Variants in PCK1 observed in about 807,000 individuals in gnomAD.
PCK1 encodes the protein phosphoenolpyruvate carboxykinase 1.
PCK1 carries 44 observed loss-of-function variants against 50.3 expected under a neutral mutation model. The ratio of observed to expected loss-of-function variants is 0.87; its 90% CI spans 0.69 to 1.12. The LOEUF is 1.12. Ranked by LOEUF, PCK1 falls within the 50% of genes most tolerant of loss-of-function variation. The pLI is 0.00. For missense variants in PCK1, 790 were observed against 815.0 expected (o/e 0.97, Z 0.37); for synonymous variants, 332 against 314.3 (o/e 1.06, Z -0.59).
In PCK1 at chr20:57,561,195, A is replaced by G; in HGVS notation, c.-49A>G. The stretch of plus-strand genomic sequence containing the variant: ...GATCTCCCTTCGAGATCATCCAAAG[A>G]GAAGAAAGGTAAGTAGAGCTTTGCA... On this transcript the variant is annotated 5_prime_UTR_variant, in exon 1 of 10. Coordinates refer to ENST00000319441, the MANE Select transcript of PCK1 (RefSeq NM_002591.4). 1 of 461,334 alleles carries G rather than the reference A, an allele frequency of 2.2e-6. No homozygotes were observed. The highest frequency in any genetic ancestry group is 3.9e-6 in the Non-Finnish European group (1 of 256,670). The allele number at this position is 461,334 out of a possible 1,614,324, so 28.6% of individuals were successfully genotyped here. A position where few individuals can be genotyped will look rare whatever the true frequency, so the allele number is the denominator to read the frequency against.
rs751209844 is a variant in PCK1, at chr20:57,562,889, G to C, written c.600G>C (p.Leu200=). 1 of 1,609,554 alleles carries C rather than the reference G, an allele frequency of 6.2e-7. No individual in the cohort carries two copies. Among genetic ancestry groups the C allele is most frequent in the Admixed American group, 1.7e-5 (1 of 59,998 alleles). The change falls in exon 4 of 10, where the codon CTG becomes CTC. Residue 200 remains leucine (L), a synonymous_variant. Transcript: ENST00000319441. ...VKCLHSVGCP[L]PLQKPLVNNW... ...GCCTCCATTCTGTGGGGTGCCCTCT[G>C]CCTTTACAAAGTAAGTGTATTATTT...
At position 57,565,800 on chromosome 20, in the gene PCK1, TG is replaced by T; in HGVS notation, c.1866del (p.Met622IlefsTer32). 1 of 1,604,128 alleles carries T rather than the reference TG, an allele frequency of 6.2e-7. No homozygotes were observed. Among genetic ancestry groups the T allele is most frequent in the Non-Finnish European group, 8.5e-7 (1 of 1,174,746 alleles). On this transcript the variant is annotated frameshift_variant, in exon 10 of 10. Coordinates refer to ENST00000319441, the MANE Select transcript of PCK1 (RefSeq NM_002591.4). LOFTEE classifies it high-confidence loss of function. ...ILALKQRISQ[M>X] ...GCCTTGAAGCAAAGAATAAGCCAGA[TG>T]TAATCAGGGCCTGAGTGCTTTACCT...
chr20:57,564,119 T>C (rs757897062), intron 6 of PCK1, 50 bp from the exon 7 acceptor site: 1 of 1,213,658 alleles, frequency 8.2e-7, no homozygotes, highest in African/African-American at 1.5e-5. Context: ...GAGTATATGT[T>C]CTGCTTTGCC....
chr20:57,566,733 G>A lies in PCK1; in HGVS notation c.*929G>A, dbSNP rs2070208328. 1 of 152,242 alleles carries A rather than the reference G, an allele frequency of 6.6e-6. No homozygotes were observed. Among genetic ancestry groups the A allele is most frequent in the African/African-American group, 2.4e-5 (1 of 41,456 alleles). 9.4% of individuals were successfully genotyped at this position (152,242 alleles called of 1,614,324 possible). ...CAAACCTTTAGATGGTGAGGCTTAT[G>A]TGGCAGGACTGGGAGGGTTTAATGC... On this transcript the variant is annotated 3_prime_UTR_variant, in exon 10 of 10. Coordinates refer to ENST00000319441, the MANE Select transcript of PCK1 (RefSeq NM_002591.4).
In PCK1 at chr20:57,561,215, T is replaced by A; in HGVS notation, c.-41+12T>A. On this transcript the variant is annotated intron_variant, in intron 1 of 9. Coordinates refer to ENST00000319441, the MANE Select transcript of PCK1 (RefSeq NM_002591.4). The stretch of plus-strand genomic sequence containing the variant: ...CAAAGAGAAGAAAGGTAAGTAGAGC[T>A]TTGCATTTACATTTTGAAAAATTAC... 1.9e-6 allele frequency: 1 copy of A among 527,964 alleles called. No individual in the cohort carries two copies. The highest frequency in any genetic ancestry group is 4.5e-4 in the Middle Eastern group (1 of 2,226). 32.7% of individuals were successfully genotyped at this position (527,964 alleles called of 1,614,324 possible).
At chr20:57,562,451 C>G (rs2070155648) in intron 3 of PCK1, 199 bp downstream of exon 3, 1 of 631,408 alleles carries the variant, frequency 1.6e-6, no homozygotes, top group East Asian at 2.7e-5. Flanking sequence ...AACGTGAAAA[C>G]TAGTTCCATG....
chr20:57,563,895 T>G, intron 6 of PCK1, 168 bp downstream of exon 6: 1 of 642,066 alleles, frequency 1.6e-6, no homozygotes, highest in Non-Finnish European at 2.7e-6. Context: ...TTCAACTTAA[T>G]ATTCAATCTG....
chr20:57,564,179 G>T lies in PCK1; in HGVS notation c.972G>T (p.Arg324Ser). 1 of 1,612,444 alleles carries T rather than the reference G, an allele frequency of 6.2e-7. No homozygotes were observed. Among genetic ancestry groups the T allele is most frequent in the East Asian group, 2.2e-5 (1 of 44,876 alleles). ...TTTAAAACTCTCCAGGTCATTTAAG[G>T]GCCATCAACCCAGAAAATGGCTTTT... ...WMKFDAQGHL[R>S]AINPENGFFG... is the part of the protein sequence containing the mutation. The change falls in exon 7 of 10, where the codon AGG (arginine) becomes AGT (serine). Residue 324 changes from arginine (R) to serine (S), a missense_variant. Coordinates refer to ENST00000319441, the MANE Select transcript of PCK1 (RefSeq NM_002591.4).
chr20:57,564,067 G>A (rs1463773593), intron 6 of PCK1, 102 bp from the exon 7 acceptor site: 1 of 755,058 alleles, frequency 1.3e-6, no homozygotes, highest in African/African-American at 1.8e-5. Flanking sequence ...AGGGAAAAAA[G>A]ATTTGAGAAG....
Position 57,562,741 on chromosome 20 carries a change from C to T in PCK1, c.452C>T (p.Ser151Leu), listed in dbSNP as rs771603187. 8 of 1,614,006 alleles carry T rather than the reference C, an allele frequency of 5.0e-6. No homozygotes were observed. The East Asian group carries it at 6.7e-5, about 13-fold the overall frequency. The change falls in exon 4 of 10, where the codon TCG becomes TTG. Residue 151 changes from serine to leucine, a missense_variant. Physicochemically the swap from Ser to Leu is moderately radical, Grantham distance 145. Transcript: ENST00000319441. ...VIPFSMGPLG[S>L]PLSKIGIELT... ...CCATTCAGCATGGGGCCGCTGGGCTCGCCTCTGTCAAAGATCGGCATCGAG... is the reference window on the plus strand; with the variant it reads ...CCATTCAGCATGGGGCCGCTGGGCTTGCCTCTGTCAAAGATCGGCATCGAG...
At position 57,562,702 on chromosome 20, in the gene PCK1, C is replaced by T. The variant is rs28359542; in HGVS notation, c.413C>T (p.Thr138Ile). ...ARFPGCMKGR[T>I]MYVIPFSMGP... ...CACCCATCGCACCCTGTAGGTCGCA[C>T]CATGTACGTCATCCCATTCAGCATG... is the stretch of plus-strand genomic sequence containing the variant. The change falls in exon 4 of 10, where the codon ACC becomes ATC. Residue 138 changes from threonine (T) to isoleucine (I), a missense_variant. Transcript: ENST00000319441. The T allele has an allele frequency of 2.4e-3, 3,802 of 1,613,478 alleles. 10 individuals are homozygous for T. The highest frequency in any genetic ancestry group is 3.1e-3 in the Non-Finnish European group (3,607 of 1,179,608).
intron 6 of PCK1, 67 bp from the exon 7 acceptor site, chr20:57,564,102 T>C: frequency 2.1e-6 from 2 of 975,574 alleles, no homozygotes; most frequent in Non-Finnish European, 3.2e-6. Context: ...AGTCCGGCAA[T>C]ATATAAGAGT....
Position 57,565,514 on chromosome 20 carries a change from T to C in PCK1, c.1579T>C (p.Trp527Arg), listed in dbSNP as rs1434213118. The C allele has an allele frequency of 1.2e-6, 2 of 1,614,180 alleles. No individual in the cohort carries two copies. The highest frequency in any genetic ancestry group is 1.7e-6 in the Non-Finnish European group (2 of 1,180,026). Residue 527 changes from tryptophan (W) to arginine (R), a missense_variant, in exon 10 of 10, where the codon TGG (tryptophan) becomes CGG (arginine). Physicochemically the swap from Trp to Arg is moderately radical, Grantham distance 101. Transcript: ENST00000319441. ...GAAGGACAAGGAAGGCAAATTCCTCTGGCCAGGCTTTGGAGAGAACTCCAG... is the reference window on the plus strand; with the variant it reads ...GAAGGACAAGGAAGGCAAATTCCTCCGGCCAGGCTTTGGAGAGAACTCCAG... ...FRKDKEGKFL[W>R]PGFGENSRVL...
In PCK1 at chr20:57,565,932, T is replaced by C. The variant is rs923232654; in HGVS notation, c.*128T>C. On this transcript the variant is annotated 3_prime_UTR_variant, in exon 10 of 10. Transcript: ENST00000319441. ...TAATCATCACCACACCGTGAGCAGA[T>C]CTGAAAGGCACACTTTGATTTTTTT... 6.1e-6 allele frequency: 4 copies of C among 650,418 alleles called. No individual in the cohort carries two copies. Among genetic ancestry groups the C allele is most frequent in the African/African-American group, 5.5e-5 (3 of 54,862 alleles). 40.3% of individuals were successfully genotyped at this position (650,418 alleles called of 1,614,324 possible). A position where few individuals can be genotyped will look rare whatever the true frequency, so the allele number is the denominator to read the frequency against.
In PCK1 at chr20:57,563,726, A is replaced by G; in HGVS notation, c.960A>G (p.Gln320=). 1.9e-6 allele frequency: 3 copies of G among 1,607,114 alleles called. No homozygotes were observed. The highest frequency in any genetic ancestry group is 2.5e-6 in the Non-Finnish European group (3 of 1,176,828). Residue 320 remains glutamine, a splice_region_variant and synonymous_variant, in exon 6 of 10, where the codon CAA becomes CAG. Coordinates refer to ENST00000319441, the MANE Select transcript of PCK1 (RefSeq NM_002591.4). ...DDIAWMKFDA[Q]GHLRAINPEN... Reference sequence around the variant, plus strand: ...TTGCCTGGATGAAGTTTGACGCACAAGGTGACTCTTTTAGACCCAACTCTT... The same window carrying G: ...TTGCCTGGATGAAGTTTGACGCACAGGGTGACTCTTTTAGACCCAACTCTT...
chr20:57,564,585 C>T lies in PCK1; in HGVS notation c.1290C>T (p.Gly430=). The T allele has an allele frequency of 6.2e-7, 1 of 1,609,240 alleles. No individual in the cohort carries two copies. Among genetic ancestry groups the T allele is most frequent in the Non-Finnish European group, 8.5e-7 (1 of 1,176,926 alleles). ...CTCCGGAAGGTGTTCCCATTGAAGG[C>T]ATTATCTTTGGAGGCCGTAGACCTG... ...WESPEGVPIE[G]IIFGGRRPAG... The change falls in exon 8 of 10, where the codon GGC becomes GGT. Residue 430 remains glycine, a synonymous_variant. Coordinates refer to ENST00000319441, the MANE Select transcript of PCK1 (RefSeq NM_002591.4).
At chr20:57,564,802 C>A (rs1027583447) in intron 8 of PCK1, 189 bp downstream of exon 8, 14 of 633,708 alleles carry the variant, frequency 2.2e-5, no homozygotes, top group Admixed American at 1.8e-4. Flanking sequence ...TCACCTGGAA[C>A]CTTTCTGAAT....
rs546079074 is a variant in PCK1 at position 57,565,511 on chromosome 20, C to T, written c.1576C>T (p.Leu526Phe). ...WFRKDKEGKF[L>F]WPGFGENSRV... is the part of the protein sequence containing the mutation. ...CCGGAAGGACAAGGAAGGCAAATTCCTCTGGCCAGGCTTTGGAGAGAACTC... is the reference window on the plus strand; with the variant it reads ...CCGGAAGGACAAGGAAGGCAAATTCTTCTGGCCAGGCTTTGGAGAGAACTC... The change falls in exon 10 of 10, where the codon CTC becomes TTC. Residue 526 changes from leucine to phenylalanine, a missense_variant. Transcript: ENST00000319441. 1.3e-5 allele frequency: 21 copies of T among 1,614,204 alleles called. No individual in the cohort carries two copies. In the East Asian group the frequency reaches 4.2e-4, roughly 33 times the overall value.
Position 57,565,643 on chromosome 20 carries a change from G to A in PCK1, c.1708G>A (p.Gly570Arg), listed in dbSNP as rs749433706. The A allele has an allele frequency of 1.9e-6, 3 of 1,614,116 alleles. 1 individual carries two copies. The South Asian group carries it at 3.3e-5, about 18-fold the overall frequency. The change falls in exon 10 of 10, where the codon GGG becomes AGG. Residue 570 changes from glycine to arginine, a missense_variant. By Grantham distance (125) the Gly-to-Arg change is moderately radical (BLOSUM62 -2). Transcript: ENST00000319441. The stretch of plus-strand genomic sequence containing the variant: ...GGATGCCCTGAACCTGAAAGGCCTG[G>A]GGCACATCAACATGATGGAGCTTTT... ...KEDALNLKGL[G>R]HINMMELFSI...
Sources: gnomAD v4.1 joint callset for allele counts on GRCh38, gnomAD v4.1.1 for gene constraint, MANE v1.5 for transcripts, NCBI Gene and HGNC (gene_info 2026-07-23, HGNC 2026-07-21) for gene names.